ARB2A: variants seen among roughly 807,000 people sequenced by gnomAD.
ARB2A encodes the protein ARB2 cotranscriptional regulator A.
At chr5:93,720,776 C>T in the ARB2A span, among the ~76,000 whole-genome samples, 4 of 152,052 alleles carry the variant, frequency 2.6e-5, no homozygotes, top group Admixed American at 2.6e-4. Flanking sequence ...ATTTCTCTTG[C>T]TTAAAAAGTA....
At chr5:94,071,179 T>C in the ARB2A span, among the ~76,000 whole-genome samples, 4 of 152,164 alleles carry the variant, frequency 2.6e-5, no homozygotes, top group East Asian at 7.7e-4. Context: ...TAAAATATAG[T>C]TTATTCATTC....
At chr5:93,881,760 A>T in the ARB2A span, 1 of 1,098,860 alleles carries the variant, frequency 9.1e-7, no homozygotes, top group Non-Finnish European at 1.2e-6. Flanking sequence ...AAAGTTCTTA[A>T]AATTTCAGTC....
the ARB2A span, chr5:93,910,774 T>C: frequency 6.6e-6 from 1 of 151,392 alleles, no homozygotes; most frequent in African/African-American, 2.4e-5. Flanking sequence ...CATTTTAAAC[T>C]ACAGGGAAAA....
the ARB2A span, chr5:93,958,829 T>C: frequency 1.2e-6 from 2 of 1,603,868 alleles, no homozygotes; most frequent in East Asian, 2.2e-5. Context: ...CAGATCTTCA[T>C]TTATAATAAG....
At chr5:93,790,875 G>T in the ARB2A span, among the ~76,000 whole-genome samples, 1 of 152,070 alleles carries the variant, frequency 6.6e-6, no homozygotes, top group Non-Finnish European at 1.5e-5. Context: ...TTTATTTTTG[G>T]TTAATCTTTG....
At chr5:93,692,578 G>C in the ARB2A span, among the ~76,000 whole-genome samples, 1 of 152,172 alleles carries the variant, frequency 6.6e-6, no homozygotes, top group African/African-American at 2.4e-5. Flanking sequence ...AAGAGACTTA[G>C]AATCCCACAC....
chr5:93,725,831 TC>T, the ARB2A span, among the ~76,000 whole-genome samples: 5 of 152,062 alleles, frequency 3.3e-5, no homozygotes, highest in African/African-American at 1.2e-4. Flanking sequence ...AGACTAAGTC[TC>T]CGTATGCTTA....
chr5:93,952,911 T>C, the ARB2A span, among the ~76,000 whole-genome samples: 7 of 152,204 alleles, frequency 4.6e-5, no homozygotes, highest in Non-Finnish European at 8.8e-5. Flanking sequence ...TTCTTTCTTC[T>C]TCTTGATCAA....
At chr5:94,061,175 T>G in the ARB2A span, among the ~76,000 whole-genome samples, 1 of 151,998 alleles carries the variant, frequency 6.6e-6, no homozygotes, top group Admixed American at 6.6e-5. Context: ...GAGGCAGAGC[T>G]TGCAATGAGC....
At chr5:93,764,528 A>C in the ARB2A span, among the ~76,000 whole-genome samples, 1 of 152,206 alleles carries the variant, frequency 6.6e-6, no homozygotes, top group Non-Finnish European at 1.5e-5. Context: ...ATAGACCAAT[A>C]ATAGGTCCTG....
the ARB2A span, among the ~76,000 whole-genome samples, chr5:93,933,574 T>C: frequency 1.3e-5 from 2 of 152,088 alleles, no homozygotes; most frequent in Admixed American, 6.6e-5. Flanking sequence ...ACACCGCATG[T>C]TCTCACTCAT....
chr5:93,971,959 G>A, the ARB2A span, among the ~76,000 whole-genome samples: 1 of 152,140 alleles, frequency 6.6e-6, no homozygotes, highest in Admixed American at 6.5e-5. Flanking sequence ...GCCAGTTGCT[G>A]AAGGAAGCAC....
chr5:93,845,186 A>G, the ARB2A span, among the ~76,000 whole-genome samples: 19 of 152,238 alleles, frequency 1.2e-4, no homozygotes, highest in African/African-American at 4.6e-4. Context: ...AGTATCTATT[A>G]GCTTATCTTC....
At chr5:93,857,095 C>T in the ARB2A span, among the ~76,000 whole-genome samples, 6 of 152,136 alleles carry the variant, frequency 3.9e-5, no homozygotes, top group Non-Finnish European at 1.5e-5. Flanking sequence ...TGCAGAACAG[C>T]GGATTTTCAC....
the ARB2A span, among the ~76,000 whole-genome samples, chr5:93,637,347 T>C: frequency 2.0e-3 from 262 of 133,966 alleles, 1 homozygote; most frequent in Non-Finnish European, 3.0e-3. Context: ...GACATTTGGG[T>C]TGTTTAGTTT....
chr5:93,824,156 CA>C, the ARB2A span: 1 of 1,584,424 alleles, frequency 6.3e-7, no homozygotes, highest in East Asian at 2.3e-5. Context: ...ACCAGTTCAA[CA>C]AAAGCAAGTC....
chr5:93,740,286 T>C, the ARB2A span: 3 of 293,858 alleles, frequency 1.0e-5, no homozygotes, highest in Non-Finnish European at 1.9e-5. Flanking sequence ...ACACAATATT[T>C]AATAAAAAAA....
At chr5:93,914,724 T>A in the ARB2A span, among the ~76,000 whole-genome samples, 1 of 151,900 alleles carries the variant, frequency 6.6e-6, no homozygotes, top group Non-Finnish European at 1.5e-5. Flanking sequence ...TTACCTAATC[T>A]AGATCTGTAT....
At chr5:93,992,819 TTTAAA>T in the ARB2A span, among the ~76,000 whole-genome samples, 19 of 152,184 alleles carry the variant, frequency 1.2e-4, no homozygotes, top group African/African-American at 4.3e-4. Context: ...AATTCTAAAA[TTTAAA>T]TTAAGATTAA....
Sources: allele counts gnomAD v4.1 joint callset (sites outside exome capture counted in the v4.1 genomes callset), GRCh38; gene constraint gnomAD v4.1.1; transcripts MANE v1.5; gene names NCBI Gene and HGNC (gene_info 2026-07-23, HGNC 2026-07-21).